The following NHS variants were observed in gnomAD, a reference collection of about 807,000 sequenced individuals.
The protein encoded by NHS is NHS actin remodeling regulator, also known as actin remodeling regulator NHS.
NHS carries 5 observed loss-of-function variants against 72.5 expected under a neutral mutation model. That is an observed-to-expected ratio of 0.07 (90% CI 0.04 to 0.14). NHS has a LOEUF of 0.14. NHS is among the 10% of genes least tolerant of loss of function. The pLI is 1.00. For missense variants in NHS, 1,072 were observed against 1,355.7 expected (o/e 0.79, Z 3.29); for synonymous variants, 464 against 547.7 (o/e 0.85, Z 2.13).
At chrX:17,593,897 G>A (rs1337125053) in intron 1 of NHS, among the ~76,000 whole-genome samples, 3 of 111,635 alleles carry the variant, frequency 2.7e-5, no homozygotes, top group Non-Finnish European at 5.7e-5. Flanking sequence ...GGAGGAAACT[G>A]ACCTGAAGCG....
At chrX:17,682,293 A>C (rs1202091273) in intron 1 of NHS, among the ~76,000 whole-genome samples, 1 of 111,987 alleles carries the variant, frequency 8.9e-6, no homozygotes, top group African/African-American at 3.2e-5. Context: ...GATTGGCTTC[A>C]GCATAGCAGG....
At chrX:17,518,061 T>C (rs1296433130) in intron 1 of NHS, among the ~76,000 whole-genome samples, 2 of 112,204 alleles carry the variant, frequency 1.8e-5, no homozygotes, top group Non-Finnish European at 3.8e-5. Flanking sequence ...ATGAAAAATG[T>C]CTGATACAGG....
At chrX:17,615,434 T>G (rs2065740567) in intron 1 of NHS, among the ~76,000 whole-genome samples, 1 of 104,715 alleles carries the variant, frequency 9.5e-6, no homozygotes, top group African/African-American at 3.5e-5. Flanking sequence ...TTTTTTTTTG[T>G]GGAGATGAGG....
At chrX:17,398,355 T>C (rs2064486611) in intron 1 of NHS, among the ~76,000 whole-genome samples, 1 of 112,322 alleles carries the variant, frequency 8.9e-6, no homozygotes, top group Non-Finnish European at 1.9e-5. Flanking sequence ...TTGTTTCTCT[T>C]GTTTAAAGAT....
chrX:17,486,452 A>C lies in NHS; in HGVS notation c.565+110130A>C, dbSNP rs144709298. Among the ~76,000 whole-genome samples the C allele has an allele frequency of 9.9e-3, 1,109 of 111,607 alleles. 16 individuals carry two copies. The highest frequency in any genetic ancestry group is 0.034 in the African/African-American group (1,051 of 30,671). The stretch of plus-strand genomic sequence containing the variant: ...TGCAGGTCTGTGCATTGATTAGCTA[A>C]TGTACGCTGGGCTTGGTTCTCATCT... On this transcript the variant is annotated intron_variant, in intron 1 of 8. Coordinates refer to ENST00000676302, the MANE Select transcript of NHS (RefSeq NM_001291867.2).
At chrX:17,531,468 G>A (rs2065198244) in intron 1 of NHS, among the ~76,000 whole-genome samples, 1 of 112,035 alleles carries the variant, frequency 8.9e-6, no homozygotes, top group Admixed American at 9.4e-5. Context: ...TCCTGCAGCT[G>A]TCTTTGGAGG....
intron 1 of NHS, among the ~76,000 whole-genome samples, chrX:17,536,479 G>A (rs141472501): frequency 1.5e-4 from 17 of 112,796 alleles, no homozygotes; most frequent in Non-Finnish European, 2.2e-4. Context: ...ATCTCCAGCT[G>A]TCTCTACCTA....
intron 1 of NHS, among the ~76,000 whole-genome samples, chrX:17,427,259 G>C (rs2064661763): frequency 9.0e-6 from 1 of 111,459 alleles, no homozygotes; most frequent in African/African-American, 3.3e-5. Flanking sequence ...ACCTTTATGG[G>C]GTGCCTGGAT....
At chrX:17,685,454 C>T (rs768564113) in intron 1 of NHS, among the ~76,000 whole-genome samples, 22 of 111,755 alleles carry the variant, frequency 2.0e-4, no homozygotes, top group Non-Finnish European at 3.9e-4. Flanking sequence ...CATGCTGGAA[C>T]TCATGCATTA....
intron 1 of NHS, among the ~76,000 whole-genome samples, chrX:17,641,407 T>TA (rs2065879956): frequency 8.9e-6 from 1 of 111,953 alleles, no homozygotes; most frequent in African/African-American, 3.2e-5. Context: ...AGTTCAATGA[T>TA]AAAAAATAAC....
intron 1 of NHS, among the ~76,000 whole-genome samples, chrX:17,686,484 C>G (rs945742245): frequency 8.9e-6 from 1 of 112,000 alleles, no homozygotes; most frequent in Non-Finnish European, 1.9e-5. Context: ...CCTGAAAAGA[C>G]GAGCCTAAGG....
intron 1 of NHS, among the ~76,000 whole-genome samples, chrX:17,413,780 C>CA (rs2064575828): frequency 9.0e-6 from 1 of 111,230 alleles, no homozygotes; most frequent in Admixed American, 9.6e-5. Context: ...GTTGCACCCC[C>CA]AAAAAAAGCA....
intron 1 of NHS, among the ~76,000 whole-genome samples, chrX:17,661,319 T>G (rs1368545703): frequency 9.0e-6 from 1 of 111,013 alleles, no homozygotes; most frequent in Non-Finnish European, 1.9e-5. Context: ...GTTTGTTACA[T>G]AGGCATACAT....
chrX:17,568,872 G>A (rs2065460333), intron 1 of NHS, among the ~76,000 whole-genome samples: 1 of 108,276 alleles, frequency 9.2e-6, no homozygotes, highest in African/African-American at 3.4e-5. Context: ...GTGACCATGT[G>A]TTCTCATAGT....
In NHS at chrX:17,569,570, C is replaced by T. The variant is rs1203326212; in HGVS notation, c.566-118172C>T. 2.7e-5 allele frequency among the ~76,000 whole-genome samples: 3 copies of T among 111,797 alleles called. No homozygotes were observed. The Admixed American group carries it at 2.8e-4, about 11-fold the overall frequency. ...TTCTTTGTAGATTCTGGATATTAGC[C>T]CTTTGTCAGATGAATACATTGCAAA... is the stretch of plus-strand genomic sequence containing the variant. On this transcript the variant is annotated intron_variant, in intron 1 of 8. Transcript: ENST00000676302.
intron 1 of NHS, among the ~76,000 whole-genome samples, chrX:17,631,728 C>T (rs780797577): frequency 3.6e-5 from 4 of 112,072 alleles, no homozygotes; most frequent in Non-Finnish European, 5.6e-5. Context: ...TATTTAATCC[C>T]CCCAGCAACT....
intron 8 of NHS, among the ~76,000 whole-genome samples, chrX:17,730,239 A>G (rs1248536272): frequency 8.9e-6 from 1 of 112,488 alleles, no homozygotes; most frequent in Non-Finnish European, 1.9e-5. Flanking sequence ...AGTGGACAGG[A>G]CGTAAATAGT....
chrX:17,402,634 G>A (rs1261897165), intron 1 of NHS, among the ~76,000 whole-genome samples: 1 of 111,774 alleles, frequency 8.9e-6, no homozygotes. Context: ...TGGTTGTCTA[G>A]GGCTGGGAAG....
intron 1 of NHS, among the ~76,000 whole-genome samples, chrX:17,444,201 G>T (rs1261814251): frequency 1.8e-5 from 2 of 111,568 alleles, no homozygotes; most frequent in Non-Finnish European, 3.8e-5. Flanking sequence ...AGGCACAAGG[G>T]GCTAGAAAAA....
Sources: allele counts gnomAD v4.1 joint callset (sites outside exome capture counted in the v4.1 genomes callset), GRCh38; gene constraint gnomAD v4.1.1; transcripts MANE v1.5; gene names NCBI Gene and HGNC (gene_info 2026-07-23, HGNC 2026-07-21).